The following NBAS variants were observed in gnomAD, a reference collection of about 807,000 sequenced individuals.
NBAS encodes NAG/BC035112 fusion.
Under a neutral mutation model 302.5 loss-of-function variants are expected in NBAS, and 219 were observed. That is an observed-to-expected ratio of 0.72 (90% CI 0.65 to 0.81). The LOEUF (loss-of-function observed/expected upper bound fraction) is 0.81. Ranked by LOEUF, NBAS falls within the 30% of genes least tolerant of loss-of-function variation. The pLI is 0.00. For missense variants in NBAS, 2,932 were observed against 2,841.6 expected, an observed-to-expected ratio of 1.03 and a Z score of -0.72; for synonymous variants, 1,118 against 1,021.6, an observed-to-expected ratio of 1.09 and a Z score of -1.80.
At chr2:15,114,387 C>G in the NBAS span, among the ~76,000 whole-genome samples, 1 of 152,178 alleles carries the variant, frequency 6.6e-6, no homozygotes, top group African/African-American at 2.4e-5. Flanking sequence ...CTAACCTACT[C>G]TTCTTATGAT....
chr2:15,076,798 C>T, the NBAS span, among the ~76,000 whole-genome samples: 1 of 152,178 alleles, frequency 6.6e-6, no homozygotes, highest in Admixed American at 6.5e-5. Context: ...TCTCTTGCAA[C>T]TTCATTTCTT....
chr2:14,930,898 T>C, the NBAS span, among the ~76,000 whole-genome samples: 2 of 152,344 alleles, frequency 1.3e-5, no homozygotes, highest in South Asian at 4.1e-4. Flanking sequence ...TGAAGGTATA[T>C]AATTTTCTGA....
At chr2:14,886,436 C>T in the NBAS span, among the ~76,000 whole-genome samples, 1 of 152,224 alleles carries the variant, frequency 6.6e-6, no homozygotes, top group Admixed American at 6.5e-5. Flanking sequence ...TTCCTTCCCT[C>T]ATCTGCCTTG....
Position 15,167,575 on chromosome 2 carries a change from A to G in NBAS, c.6841-252T>C, listed in dbSNP as rs377638046. ...ACAGCTTCCAGATACTGGGTGCCAG[A>G]AACTATTCAACACTGTACCAGCATC... On this transcript the variant is annotated intron_variant, in intron 51 of 51. Coordinates refer to ENST00000281513, the MANE Select transcript of NBAS (RefSeq NM_015909.4). Among the ~76,000 whole-genome samples, 292 of 152,326 alleles carry G rather than the reference A, an allele frequency of 1.9e-3. 1 individual carries two copies. The highest frequency in any genetic ancestry group is 3.7e-3 in the Non-Finnish European group (253 of 68,028).
At chr2:14,786,052 G>A in the NBAS span, among the ~76,000 whole-genome samples, 5 of 152,188 alleles carry the variant, frequency 3.3e-5, no homozygotes, top group Non-Finnish European at 7.3e-5. Flanking sequence ...AGTCTTGGGA[G>A]GGTGTATGTG....
the NBAS span, among the ~76,000 whole-genome samples, chr2:15,065,538 C>T: frequency 6.6e-5 from 10 of 152,198 alleles, no homozygotes; most frequent in African/African-American, 2.4e-4. Context: ...AACTAATAAA[C>T]TCACTGAAGT....
the NBAS span, among the ~76,000 whole-genome samples, chr2:15,116,652 T>G: frequency 9.1e-4 from 139 of 152,348 alleles, no homozygotes; most frequent in African/African-American, 3.1e-3. Flanking sequence ...AAAAATAGGA[T>G]AATGATACCC....
intron 35 of NBAS, among the ~76,000 whole-genome samples, chr2:15,346,041 A>T (rs1673073000): frequency 6.6e-6 from 1 of 152,212 alleles, no homozygotes; most frequent in Non-Finnish European, 1.5e-5. Flanking sequence ...TAAAACCCAA[A>T]ACCATAAAAA....
Position 15,561,248 on chromosome 2 carries a change from C to T in NBAS, c.57G>A (p.Glu19=), listed in dbSNP as rs748675036. ...ALSPGTAEGE[E]ETILYDLLVN... ...CCAACAAGTCATAGAGAATCGTCTC[C>T]TCCTCACCCTCTGCAGTGCCTGGAC... The change falls in exon 1 of 52, where the codon GAG becomes GAA. Residue 19 remains glutamate (E), a synonymous_variant. Transcript: ENST00000281513. 1 of 1,614,016 alleles carries T rather than the reference C, an allele frequency of 6.2e-7. No homozygotes were observed. Among genetic ancestry groups the T allele is most frequent in the South Asian group, 1.1e-5 (1 of 91,074 alleles).
At chr2:15,049,668 C>T in the NBAS span, among the ~76,000 whole-genome samples, 3 of 152,194 alleles carry the variant, frequency 2.0e-5, no homozygotes, top group African/African-American at 7.2e-5. Flanking sequence ...GGGGAGCAGC[C>T]AGAAAGAGGG....
the NBAS span, among the ~76,000 whole-genome samples, chr2:14,881,825 GC>G: frequency 2.8e-4 from 42 of 152,244 alleles, no homozygotes; most frequent in Non-Finnish European, 4.9e-4. Context: ...TTACTAGCTG[GC>G]CTTTTAACAG....
the NBAS span, among the ~76,000 whole-genome samples, chr2:14,816,880 T>C: frequency 1.3e-5 from 2 of 152,264 alleles, no homozygotes; most frequent in South Asian, 4.1e-4. Flanking sequence ...GAGCGAGCCA[T>C]AGCTGCCAAA....
At chr2:15,407,777 C>T (rs757386817) in intron 25 of NBAS, among the ~76,000 whole-genome samples, 3 of 152,160 alleles carry the variant, frequency 2.0e-5, no homozygotes, top group Admixed American at 6.5e-5. Context: ...TAAATTACCA[C>T]GAACTTGGTG....
At chr2:15,334,593 T>C (rs1395110204) in intron 35 of NBAS, among the ~76,000 whole-genome samples, 1 of 152,240 alleles carries the variant, frequency 6.6e-6, no homozygotes, top group East Asian at 1.9e-4. Context: ...TTTAAGCTCA[T>C]TTATTTTTCT....
the NBAS span, among the ~76,000 whole-genome samples, chr2:14,929,673 C>T: frequency 6.6e-6 from 1 of 151,594 alleles, no homozygotes. Context: ...CCACCACTCC[C>T]AGTCCAACAG....
chr2:15,428,379 A>G (rs1370284825), intron 21 of NBAS, among the ~76,000 whole-genome samples: 1 of 152,192 alleles, frequency 6.6e-6, no homozygotes, highest in Non-Finnish European at 1.5e-5. Flanking sequence ...AGGACAGGTG[A>G]TAGTAAGAGT....
At chr2:15,247,513 G>A (rs1452763061) in intron 44 of NBAS, among the ~76,000 whole-genome samples, 4 of 152,040 alleles carry the variant, frequency 2.6e-5, no homozygotes, top group African/African-American at 9.7e-5. Flanking sequence ...ATAAAGGAAT[G>A]GAGGAATATT....
At chr2:15,434,175 A>C (rs1677897163) in intron 21 of NBAS, among the ~76,000 whole-genome samples, 1 of 152,160 alleles carries the variant, frequency 6.6e-6, no homozygotes, top group African/African-American at 2.4e-5. Flanking sequence ...CAGTTATATA[A>C]CTCAGAAAGG....
At chr2:14,811,090 G>C in the NBAS span, among the ~76,000 whole-genome samples, 1 of 152,142 alleles carries the variant, frequency 6.6e-6, no homozygotes, top group Non-Finnish European at 1.5e-5. Context: ...TAATGATATA[G>C]GGTTTTAAAC....
Sources: allele counts gnomAD v4.1 joint callset (sites outside exome capture counted in the v4.1 genomes callset), GRCh38; gene constraint gnomAD v4.1.1; transcripts MANE v1.5; gene names NCBI Gene and HGNC (gene_info 2026-07-23, HGNC 2026-07-21).